Variants in CCDC148 observed in about 807,000 individuals in gnomAD.
CCDC148 encodes coiled-coil domain containing 148.
In CCDC148, 89 loss-of-function variants were observed where a neutral mutation model predicts 85.7. The ratio of observed to expected loss-of-function variants is 1.04; its 90% CI spans 0.87 to 1.24. The LOEUF (loss-of-function observed/expected upper bound fraction) is 1.24, where lower values mean the gene tolerates loss of function less well. CCDC148 is among the 50% of genes most tolerant of loss of function. The pLI is 0.00. For missense variants in CCDC148, 692 were observed against 671.7 expected, an observed-to-expected ratio of 1.03 and a Z score of -0.33; for synonymous variants, 230 against 213.9, an observed-to-expected ratio of 1.08 and a Z score of -0.66.
chr2:158,388,888 G>A (rs1206501746), intron 1 of CCDC148, among the ~76,000 whole-genome samples: 2 of 152,136 alleles, frequency 1.3e-5, no homozygotes, highest in African/African-American at 4.8e-5. Context: ...AAGACATCTG[G>A]TGTCAAAAAT....
At chr2:158,438,816 G>T (rs186532223) in intron 1 of CCDC148, among the ~76,000 whole-genome samples, 77 of 152,180 alleles carry the variant, frequency 5.1e-4, no homozygotes, top group Non-Finnish European at 9.3e-4. Context: ...GTGGGCGAAG[G>T]ATATGAACAG....
chr2:158,228,813 T>TG (rs1687697434), intron 10 of CCDC148, among the ~76,000 whole-genome samples: 2 of 21,506 alleles, frequency 9.3e-5, no homozygotes, highest in Admixed American at 8.2e-4. Context: ...TGTTGTGGGG[T>TG]TGGGGGGAGG....
intron 1 of CCDC148, among the ~76,000 whole-genome samples, chr2:158,451,872 T>A (rs1032783086): frequency 6.6e-6 from 1 of 152,220 alleles, no homozygotes; most frequent in Middle Eastern, 3.4e-3. Context: ...AATATTTGCA[T>A]AATTTGTAAA....
At chr2:158,449,503 A>G (rs925875758) in intron 1 of CCDC148, among the ~76,000 whole-genome samples, 4 of 150,708 alleles carry the variant, frequency 2.7e-5, no homozygotes, top group Non-Finnish European at 5.9e-5. Context: ...GCTGGAGTGC[A>G]GTGGTAGGAT....
chr2:158,340,637 T>C lies in CCDC148; in HGVS notation c.295A>G (p.Asn99Asp). Residue 99 changes from asparagine to aspartate, a missense_variant, in exon 4 of 14, where the codon AAC becomes GAC. Asn to Asp is a conservative substitution (Grantham distance 23). Transcript: ENST00000283233. ...TCACAAAGACATTCATTTCCAATGT[T>C]CTCTTCATTGAGAAGGGATTTTATT... ...SEIKSLLNEE[N>D]IGNECLCDLT... 6.3e-7 allele frequency: 1 copy of C among 1,591,440 alleles called. No homozygotes were observed. The highest frequency in any genetic ancestry group is 2.2e-5 in the East Asian group (1 of 44,714).
chr2:158,175,271 A>T (rs1369848832), intron 13 of CCDC148, among the ~76,000 whole-genome samples: 2 of 152,018 alleles, frequency 1.3e-5, no homozygotes, highest in African/African-American at 4.8e-5. Flanking sequence ...AGCAGCTAGG[A>T]TCTAGAGACA....
At chr2:158,370,935 C>T (rs1684410728) in intron 1 of CCDC148, among the ~76,000 whole-genome samples, 1 of 150,902 alleles carries the variant, frequency 6.6e-6, no homozygotes, top group Admixed American at 6.6e-5. Flanking sequence ...TCTAATTCTG[C>T]ATAGCAAATA....
chr2:158,452,528 A>G (rs1688446010), intron 1 of CCDC148, among the ~76,000 whole-genome samples: 1 of 152,198 alleles, frequency 6.6e-6, no homozygotes, highest in Non-Finnish European at 1.5e-5. Context: ...CCAAAATGGC[A>G]CATTTTGGGG....
intron 9 of CCDC148, among the ~76,000 whole-genome samples, chr2:158,285,386 G>C (rs548095877): frequency 2.6e-5 from 4 of 151,144 alleles, no homozygotes; most frequent in Admixed American, 2.6e-4. Flanking sequence ...AAACTCTCCA[G>C]AATAAAGCAT....
At chr2:158,425,208 T>G in intron 1 of CCDC148, 1 of 535,110 alleles carries the variant, frequency 1.9e-6, no homozygotes, top group Non-Finnish European at 3.7e-6. Flanking sequence ...GAACCATGAC[T>G]ATGCACAGGT....
chr2:158,452,561 A>G (rs1207444825), intron 1 of CCDC148, among the ~76,000 whole-genome samples: 1 of 152,222 alleles, frequency 6.6e-6, no homozygotes, highest in Non-Finnish European at 1.5e-5. Flanking sequence ...GGTCCCTTCA[A>G]TAGGAACCCA....
At chr2:158,283,678 G>A (rs1690459966) in intron 9 of CCDC148, among the ~76,000 whole-genome samples, 2 of 151,764 alleles carry the variant, frequency 1.3e-5, no homozygotes, top group Non-Finnish European at 2.9e-5. Flanking sequence ...ACTGTTGGTG[G>A]GACTGTAAAC....
intron 2 of CCDC148, among the ~76,000 whole-genome samples, chr2:158,350,776 G>A (rs1245983773): frequency 1.3e-5 from 2 of 152,006 alleles, no homozygotes; most frequent in Non-Finnish European, 1.5e-5. Context: ...TTGTAATTGT[G>A]CATATTTATG....
At chr2:158,184,424 TG>T (rs1195080622) in intron 11 of CCDC148, among the ~76,000 whole-genome samples, 1 of 152,058 alleles carries the variant, frequency 6.6e-6, no homozygotes, top group African/African-American at 2.4e-5. Context: ...GTTATAATAG[TG>T]GGGGGAAATA....
chr2:158,336,663 A>G (rs1682401248), intron 7 of CCDC148, among the ~76,000 whole-genome samples: 1 of 152,182 alleles, frequency 6.6e-6, no homozygotes, highest in Admixed American at 6.6e-5. Context: ...TTAAACTAGA[A>G]TTTATGAACT....
At chr2:158,449,472 C>G (rs1688302947) in intron 1 of CCDC148, among the ~76,000 whole-genome samples, 2 of 148,098 alleles carry the variant, frequency 1.4e-5, no homozygotes, top group African/African-American at 5.0e-5. Context: ...TTTTCCGAGA[C>G]AGTCTCGCTC....
chr2:158,418,138 T>TTCTTTCTA (rs1264297150), intron 1 of CCDC148, among the ~76,000 whole-genome samples: 1 of 152,018 alleles, frequency 6.6e-6, no homozygotes, highest in East Asian at 1.9e-4. Context: ...TCACACCGTG[T>TTCTTTCTA]AATACTAAAG....
chr2:158,382,938 T>TAAC (rs1484561749), intron 1 of CCDC148, among the ~76,000 whole-genome samples: 6 of 150,544 alleles, frequency 4.0e-5, no homozygotes, highest in African/African-American at 1.5e-4. Context: ...AAAACCACAA[T>TAAC]AACAACAACA....
intron 10 of CCDC148, among the ~76,000 whole-genome samples, chr2:158,238,113 G>C (rs1441289341): frequency 6.6e-6 from 1 of 152,070 alleles, no homozygotes; most frequent in East Asian, 1.9e-4. Flanking sequence ...TATAGGCCAG[G>C]GAATGATGAG....
Sources: allele counts gnomAD v4.1 joint callset (sites outside exome capture counted in the v4.1 genomes callset), GRCh38; gene constraint gnomAD v4.1.1; transcripts MANE v1.5; gene names NCBI Gene and HGNC (gene_info 2026-07-23, HGNC 2026-07-21).